DLG2: variants seen among roughly 807,000 people sequenced by gnomAD.
The protein encoded by DLG2 is discs large MAGUK scaffold protein 2.
A neutral mutation model predicts 132.5 loss-of-function variants in DLG2; 45 were observed. The observed-to-expected ratio is 0.34, with a 90% CI of 0.27 to 0.44. The LOEUF (loss-of-function observed/expected upper bound fraction) is 0.44, where lower values mean the gene tolerates loss of function less well. DLG2 is among the 20% of genes least tolerant of loss of function. The pLI, the probability that DLG2 is intolerant of heterozygous loss-of-function variation, is 1.00. For synonymous variants in DLG2, 424 were observed against 419.6 expected, an observed-to-expected ratio of 1.01 and a Z score of -0.13; for missense variants, 1,045 against 1,196.9, an observed-to-expected ratio of 0.87 and a Z score of 1.87.
chr11:84,659,745 C>G (rs1430499131), intron 6 of DLG2, among the ~76,000 whole-genome samples: 1 of 152,166 alleles, frequency 6.6e-6, no homozygotes, highest in Non-Finnish European at 1.5e-5. Context: ...AGACCACCCT[C>G]CTTTCTGATA....
At chr11:84,863,117 G>C (rs1166399241) in intron 6 of DLG2, among the ~76,000 whole-genome samples, 1 of 151,962 alleles carries the variant, frequency 6.6e-6, no homozygotes, top group Non-Finnish European at 1.5e-5. Context: ...ATTTAATGTA[G>C]ATCCTTTTAT....
intron 6 of DLG2, chr11:84,720,292 C>T (rs1596472631): frequency 1.0e-6 from 1 of 985,476 alleles, no homozygotes; most frequent in Non-Finnish European, 1.2e-6. Flanking sequence ...GAACCTCTTC[C>T]TACCTTGCAT....
intron 8 of DLG2, among the ~76,000 whole-genome samples, chr11:84,247,993 C>G (rs1433572790): frequency 6.6e-6 from 1 of 152,156 alleles, no homozygotes; most frequent in Non-Finnish European, 1.5e-5. Flanking sequence ...CTAGGGAACT[C>G]TGAAATCGTT....
intron 17 of DLG2, among the ~76,000 whole-genome samples, chr11:83,826,378 C>G (rs1269542779): frequency 6.6e-6 from 1 of 152,070 alleles, no homozygotes; most frequent in Non-Finnish European, 1.5e-5. Context: ...TTGAGGTGGT[C>G]TTGTGATCAG....
chr11:85,045,737 T>C (rs1211781756), intron 6 of DLG2, among the ~76,000 whole-genome samples: 2 of 152,056 alleles, frequency 1.3e-5, no homozygotes, highest in African/African-American at 4.8e-5. Flanking sequence ...TTCAAGTGCA[T>C]GAGCTTAGGT....
chr11:83,743,244 T>C (rs1038239463), intron 18 of DLG2, among the ~76,000 whole-genome samples: 2 of 152,266 alleles, frequency 1.3e-5, no homozygotes, highest in South Asian at 2.1e-4. Flanking sequence ...CAGTAACTTC[T>C]AGCACCCTTG....
intron 6 of DLG2, among the ~76,000 whole-genome samples, chr11:84,586,233 T>C (rs1186992440): frequency 1.3e-5 from 2 of 149,372 alleles, no homozygotes; most frequent in Non-Finnish European, 2.9e-5. Flanking sequence ...TGTTTCTGTT[T>C]ATATACACTA....
chr11:84,686,674 A>C (rs2099738526), intron 6 of DLG2: 2 of 143,260 alleles, frequency 1.4e-5, no homozygotes, highest in South Asian at 4.3e-4. Context: ...CATGTAACAT[A>C]TAATAGCCTA....
chr11:85,164,336 A>T (rs766582761), intron 4 of DLG2, among the ~76,000 whole-genome samples: 11 of 152,086 alleles, frequency 7.2e-5, no homozygotes, highest in Non-Finnish European at 1.3e-4. Flanking sequence ...GGTCTCCTAT[A>T]GTCATATTTT....
intron 3 of DLG2, among the ~76,000 whole-genome samples, chr11:85,468,822 A>AT (rs1001425982): frequency 1.3e-5 from 2 of 151,770 alleles, no homozygotes; most frequent in Non-Finnish European, 2.9e-5. Context: ...TAGATGTCTA[A>AT]TTTTTTTTAA....
intron 14 of DLG2, among the ~76,000 whole-genome samples, chr11:83,950,498 G>A (rs1020596521): frequency 5.9e-5 from 9 of 152,146 alleles, no homozygotes; most frequent in African/African-American, 2.2e-4. Flanking sequence ...GGAGGCTGAG[G>A]CAGTAGAATA....
chr11:85,068,460 A>C (rs2065270459), intron 6 of DLG2, among the ~76,000 whole-genome samples: 1 of 152,174 alleles, frequency 6.6e-6, no homozygotes, highest in Admixed American at 6.6e-5. Context: ...AAGTCTCAGG[A>C]TACAAAATCA....
At chr11:84,432,829 C>A (rs1002378934) in intron 7 of DLG2, among the ~76,000 whole-genome samples, 2 of 152,004 alleles carry the variant, frequency 1.3e-5, no homozygotes, top group Admixed American at 6.6e-5. Flanking sequence ...TCGAGACCAG[C>A]CTGGGCAACA....
At chr11:84,964,653 A>G (rs2053072216) in intron 6 of DLG2, among the ~76,000 whole-genome samples, 2 of 152,144 alleles carry the variant, frequency 1.3e-5, no homozygotes, top group African/African-American at 4.8e-5. Context: ...TGAATATTAA[A>G]TGTGCAGGCA....
At chr11:84,831,648 T>C (rs905476804) in intron 6 of DLG2, among the ~76,000 whole-genome samples, 1 of 151,658 alleles carries the variant, frequency 6.6e-6, no homozygotes, top group African/African-American at 2.4e-5. Flanking sequence ...TGGTTTACTG[T>C]TCTACTAATT....
intron 8 of DLG2, among the ~76,000 whole-genome samples, chr11:84,193,466 T>G (rs1003803560): frequency 1.6e-4 from 25 of 152,190 alleles, no homozygotes; most frequent in Middle Eastern, 3.2e-3. Context: ...AAACAGTGCT[T>G]AGAAGAATGG....
At chr11:83,964,896 C>T (rs2089838065) in intron 13 of DLG2, among the ~76,000 whole-genome samples, 1 of 151,954 alleles carries the variant, frequency 6.6e-6, no homozygotes. Flanking sequence ...CATTCAATTG[C>T]AAGATCCCCT....
chr11:84,982,669 C>A (rs2055924402), intron 6 of DLG2, among the ~76,000 whole-genome samples: 1 of 151,566 alleles, frequency 6.6e-6, no homozygotes, highest in Non-Finnish European at 1.5e-5. Flanking sequence ...TGGGTAGATG[C>A]AAAAATCCTT....
chr11:84,061,582 T>C (rs1016284194), intron 10 of DLG2, among the ~76,000 whole-genome samples: 2 of 152,190 alleles, frequency 1.3e-5, no homozygotes, highest in African/African-American at 2.4e-5. Flanking sequence ...ATGTGATGAA[T>C]AGTTTCATGT....
Sources: gnomAD v4.1 joint callset for allele counts (sites outside exome capture counted in the v4.1 genomes callset) on GRCh38, gnomAD v4.1.1 for gene constraint, MANE v1.5 for transcripts, NCBI Gene and HGNC (gene_info 2026-07-23, HGNC 2026-07-21) for gene names.